BACH2: variants seen among roughly 807,000 people sequenced by gnomAD.
BACH2 encodes transcription regulator protein BACH2.
BACH2 carries 5 observed loss-of-function variants against 61.8 expected under a neutral mutation model. The observed-to-expected ratio is 0.08, with a 90% CI of 0.04 to 0.17. The LOEUF is 0.17. BACH2 is among the 10% of genes least tolerant of loss of function. The pLI, the probability that BACH2 is intolerant of heterozygous loss-of-function variation, is 1.00. For missense variants in BACH2, 824 were observed against 1,091.1 expected (o/e 0.76, Z 3.45); for synonymous variants, 446 against 440.1 (o/e 1.01, Z -0.17).
At chr6:90,284,740 A>T (rs1771966185) in intron 1 of BACH2, among the ~76,000 whole-genome samples, 1 of 152,238 alleles carries the variant, frequency 6.6e-6, no homozygotes. Flanking sequence ...AGATTAAAAA[A>T]AAAAAGCTCA....
chr6:90,285,037 T>C lies in BACH2; in HGVS notation c.-446+11443A>G, dbSNP rs188537014. 1.6e-4 allele frequency among the ~76,000 whole-genome samples: 25 copies of C among 152,344 alleles called. No individual in the cohort carries two copies. The East Asian group carries it at 2.7e-3, about 16-fold the overall frequency. Reference sequence around the variant, plus strand: ...CCTTCCCCAGCTGATCTTACTTTAATCATCCTTTTTCAAGACAGTTTATGA... The same window carrying C: ...CCTTCCCCAGCTGATCTTACTTTAACCATCCTTTTTCAAGACAGTTTATGA... On this transcript the variant is annotated intron_variant, in intron 1 of 8. Transcript: ENST00000257749.
intron 4 of BACH2, among the ~76,000 whole-genome samples, chr6:90,175,122 G>C (rs1214393308): frequency 6.6e-6 from 1 of 152,010 alleles, no homozygotes; most frequent in African/African-American, 2.4e-5. Context: ...CCACATGTAT[G>C]ATATACTTCA....
chr6:90,009,721 T>C (rs1203425824), intron 5 of BACH2, among the ~76,000 whole-genome samples: 1 of 152,240 alleles, frequency 6.6e-6, no homozygotes, highest in South Asian at 2.1e-4. Context: ...TGAAGTGCAA[T>C]GGTGCGATTC....
At chr6:90,023,343 T>G (rs1006343495) in intron 5 of BACH2, among the ~76,000 whole-genome samples, 1 of 151,900 alleles carries the variant, frequency 6.6e-6, no homozygotes, top group Non-Finnish European at 1.5e-5. Flanking sequence ...GTTGCCTCAA[T>G]AGTGAGTTAT....
At chr6:90,057,254 G>C (rs1780410998) in intron 5 of BACH2, among the ~76,000 whole-genome samples, 1 of 151,976 alleles carries the variant, frequency 6.6e-6, no homozygotes, top group Non-Finnish European at 1.5e-5. Flanking sequence ...AAAGAGAGAA[G>C]AATCAAATAG....
Position 90,188,309 on chromosome 6 carries a change from T to C in BACH2, c.-162+18260A>G, listed in dbSNP as rs73752895. The stretch of plus-strand genomic sequence containing the variant: ...GTATAGAATGTCAGTAGACACACCA[T>C]GAATTTGTTTAAGTGTGGGTTAACT... On this transcript the variant is annotated intron_variant, in intron 4 of 8. Transcript: ENST00000257749. 2.7e-3 allele frequency among the ~76,000 whole-genome samples: 413 copies of C among 152,334 alleles called. 1 individual carries two copies. The highest frequency in any genetic ancestry group is 9.6e-3 in the African/African-American group (401 of 41,580).
At chr6:90,218,916 T>C (rs62408217) in intron 3 of BACH2, among the ~76,000 whole-genome samples, 1 of 140,146 alleles carries the variant, frequency 7.1e-6, no homozygotes, top group Non-Finnish European at 1.5e-5. Flanking sequence ...TTCGGTTTCC[T>C]TTCCGTGTGT....
At chr6:90,002,671 G>A (rs569245715) in intron 6 of BACH2, among the ~76,000 whole-genome samples, 2 of 152,214 alleles carry the variant, frequency 1.3e-5, no homozygotes, top group Non-Finnish European at 2.9e-5. Context: ...TTGGGAGGCT[G>A]AGGCAGGAGA....
intron 5 of BACH2, among the ~76,000 whole-genome samples, chr6:90,046,322 A>T (rs1285347300): frequency 6.6e-6 from 1 of 152,232 alleles, no homozygotes; most frequent in East Asian, 1.9e-4. Flanking sequence ...TCACAAACAC[A>T]AGCCTCTGGA....
At chr6:90,051,974 T>G (rs1184059591) in intron 5 of BACH2, among the ~76,000 whole-genome samples, 1 of 152,192 alleles carries the variant, frequency 6.6e-6, no homozygotes, top group Non-Finnish European at 1.5e-5. Flanking sequence ...GTTAAAAAAT[T>G]TCCACATATA....
intron 2 of BACH2, among the ~76,000 whole-genome samples, chr6:90,263,167 C>G (rs149107181): frequency 2.6e-5 from 4 of 152,190 alleles, no homozygotes; most frequent in African/African-American, 9.6e-5. Flanking sequence ...CAGTGGGAAG[C>G]CAGTTATCAC....
chr6:89,995,869 T>C (rs1776818377), intron 6 of BACH2, among the ~76,000 whole-genome samples: 1 of 152,248 alleles, frequency 6.6e-6, no homozygotes, highest in South Asian at 2.1e-4. Context: ...GGAGCAACTC[T>C]ATATGTATTC....
intron 6 of BACH2, among the ~76,000 whole-genome samples, chr6:89,964,694 C>T (rs1052617699): frequency 2.0e-5 from 3 of 152,090 alleles, no homozygotes; most frequent in Non-Finnish European, 4.4e-5. Flanking sequence ...AACTACTGGT[C>T]GAGGAGAATT....
chr6:90,296,143 T>A (rs186329333), intron 1 of BACH2, among the ~76,000 whole-genome samples: 1 of 151,980 alleles, frequency 6.6e-6, no homozygotes, highest in South Asian at 2.1e-4. Context: ...CATGCCTGAC[T>A]TATTACTCTC....
At chr6:89,987,778 G>T (rs139449872) in intron 6 of BACH2, among the ~76,000 whole-genome samples, 5 of 152,090 alleles carry the variant, frequency 3.3e-5, no homozygotes, top group African/African-American at 1.2e-4. Context: ...TTCCAAATTG[G>T]ATGGGGCCTG....
At chr6:89,963,298 G>GTT (rs766035501) in intron 6 of BACH2, among the ~76,000 whole-genome samples, 2 of 152,030 alleles carry the variant, frequency 1.3e-5, no homozygotes, top group Non-Finnish European at 2.9e-5. Flanking sequence ...TATTTTTCTT[G>GTT]TTTGTTTTTG....
intron 8 of BACH2, among the ~76,000 whole-genome samples, chr6:89,935,642 T>C (rs548669229): frequency 2.6e-5 from 4 of 152,356 alleles, no homozygotes; most frequent in African/African-American, 7.2e-5. Context: ...GAGAACTAGA[T>C]GATGCTCTAA....
At chr6:90,238,429 T>G (rs1770330359) in intron 3 of BACH2, among the ~76,000 whole-genome samples, 3 of 152,260 alleles carry the variant, frequency 2.0e-5, no homozygotes, top group Admixed American at 2.0e-4. Flanking sequence ...ATAGCGCAAC[T>G]GCTGATGTGC....
intron 6 of BACH2, among the ~76,000 whole-genome samples, chr6:89,972,943 A>G (rs1275626927): frequency 6.6e-6 from 1 of 152,170 alleles, no homozygotes; most frequent in Admixed American, 6.5e-5. Flanking sequence ...CAAAAAAATT[A>G]GCTGGGCATG....
Sources: gnomAD v4.1 joint callset for allele counts (sites outside exome capture counted in the v4.1 genomes callset) on GRCh38, gnomAD v4.1.1 for gene constraint, MANE v1.5 for transcripts, NCBI Gene and HGNC (gene_info 2026-07-23, HGNC 2026-07-21) for gene names.